Variants in METAP2 observed in about 807,000 individuals in gnomAD.
METAP2 encodes methionine aminopeptidase 2.
A neutral mutation model predicts 59.4 loss-of-function variants in METAP2; 25 were observed. That is an observed-to-expected ratio of 0.42 (90% CI 0.31 to 0.59). The LOEUF is 0.59. Among genes scored for constraint, METAP2 ranks in the 20% least tolerant of loss-of-function variants. The pLI, the probability that METAP2 is intolerant of heterozygous loss-of-function variation, is 0.16. For missense variants in METAP2, 366 were observed against 581.2 expected (o/e 0.63, Z 3.81); for synonymous variants, 214 against 194.1 (o/e 1.10, Z -0.85).
At chr12:95,504,382 T>C (rs536628049) in intron 8 of METAP2, among the ~76,000 whole-genome samples, 22 of 152,328 alleles carry the variant, frequency 1.4e-4, no homozygotes, top group African/African-American at 5.3e-4. Context: ...GGAAATATCC[T>C]AGGGCAGCCA....
intron 1 of METAP2, among the ~76,000 whole-genome samples, chr12:95,475,560 C>G (rs1437349662): frequency 6.6e-6 from 1 of 152,242 alleles, no homozygotes; most frequent in African/African-American, 2.4e-5. Context: ...GTTATAATCA[C>G]TTCCAGAGCA....
Position 95,514,390 on chromosome 12 carries a change from A to G in METAP2, c.*486A>G, listed in dbSNP as rs2076429249. 6.5e-6 allele frequency: 1 copy of G among 153,404 alleles called. No homozygotes were observed. Among genetic ancestry groups the G allele is most frequent in the African/African-American group, 2.4e-5 (1 of 41,470 alleles). The allele number at this position is 153,404 out of a possible 1,614,324, so 9.5% of individuals were successfully genotyped here. A position where few individuals can be genotyped will look rare whatever the true frequency, so the allele number is the denominator to read the frequency against. The stretch of plus-strand genomic sequence containing the variant: ...GGTTATAATTCTGGACAGGATAAAT[A>G]GCTAAACTTAATGTAGGCAAATGCA... On this transcript the variant is annotated 3_prime_UTR_variant, in exon 11 of 11. Coordinates refer to ENST00000323666, the MANE Select transcript of METAP2 (RefSeq NM_006838.4).
At chr12:95,476,619 CAATT>C (rs1016728785) in intron 2 of METAP2, among the ~76,000 whole-genome samples, 3 of 152,114 alleles carry the variant, frequency 2.0e-5, no homozygotes, top group Admixed American at 6.6e-5. Context: ...CTTGTTACCT[CAATT>C]AATGTCACAG....
intron 8 of METAP2, 90 bp downstream of exon 8, chr12:95,504,251 A>G (rs111867202): frequency 1.2e-5 from 10 of 835,000 alleles, no homozygotes; most frequent in African/African-American, 1.7e-5. Context: ...TCATGTTTCT[A>G]TCTTGGTAAT....
In METAP2 at chr12:95,483,234, T is replaced by TGGA. The variant is rs771119684; in HGVS notation, c.281_283dup (p.Gly94dup). ...TCTTAGATGGAGATGGCGATGGAGATGGAGCAACTGGAAAGAAGAAGAAAA... is the reference window on the plus strand; with the variant it reads ...TCTTAGATGGAGATGGCGATGGAGATGGAGGAGCAACTGGAAAGAAGAAGAAAA... On this transcript the variant is annotated inframe_insertion, in exon 3 of 11. Coordinates refer to ENST00000323666, the MANE Select transcript of METAP2 (RefSeq NM_006838.4). The TGGA allele has an allele frequency of 6.2e-7, 1 of 1,613,052 alleles. No homozygotes were observed. The highest frequency in any genetic ancestry group is 8.5e-7 in the Non-Finnish European group (1 of 1,179,094).
chr12:95,496,184 T>A, intron 7 of METAP2, 86 bp downstream of exon 7: 1 of 788,558 alleles, frequency 1.3e-6, no homozygotes, highest in Non-Finnish European at 2.1e-6. Flanking sequence ...TAAGCACTTT[T>A]AAGGCCTGTT....
rs543986569 is a variant in METAP2, at chr12:95,493,417, A to G, written c.429-639A>G. 5.3e-5 allele frequency among the ~76,000 whole-genome samples: 8 copies of G among 152,338 alleles called. No individual in the cohort carries two copies. In the South Asian group the frequency reaches 8.3e-4, roughly 16 times the overall value. ...GAAGAACCTAGGAGTTTGAGGATGTAGTGAGCTATGATCACATCACTGCAT... is the reference window on the plus strand; with the variant it reads ...GAAGAACCTAGGAGTTTGAGGATGTGGTGAGCTATGATCACATCACTGCAT... On this transcript the variant is annotated intron_variant, in intron 4 of 10. Coordinates refer to ENST00000323666, the MANE Select transcript of METAP2 (RefSeq NM_006838.4).
At chr12:95,475,264 G>A (rs2076109688) in intron 1 of METAP2, among the ~76,000 whole-genome samples, 1 of 152,236 alleles carries the variant, frequency 6.6e-6, no homozygotes. Flanking sequence ...GTCGAAGAGA[G>A]CTAATCTTCA....
intron 3 of METAP2, among the ~76,000 whole-genome samples, chr12:95,483,946 C>T (rs1037669647): frequency 3.3e-5 from 5 of 151,880 alleles, no homozygotes; most frequent in Admixed American, 6.6e-5. Flanking sequence ...TTATATTGTA[C>T]GATCAGATTT....
Position 95,482,071 on chromosome 12 carries a change from A to G in METAP2, c.260-1144A>G, listed in dbSNP as rs542293778. 3.7e-5 allele frequency: 15 copies of G among 409,524 alleles called. 1 individual carries two copies. The highest frequency in any genetic ancestry group is 1.9e-4 in the African/African-American group (9 of 48,448). 25.4% of individuals were successfully genotyped at this position (409,524 alleles called of 1,614,324 possible). The stretch of plus-strand genomic sequence containing the variant: ...TGCCTTTTGTTAGGCTTTTGAATCT[A>G]AAAATCCATAATGAATAAGTCAGCA... On this transcript the variant is annotated intron_variant, in intron 2 of 10. Coordinates refer to ENST00000323666, the MANE Select transcript of METAP2 (RefSeq NM_006838.4).
At chr12:95,479,641 C>T (rs562000480) in intron 2 of METAP2, among the ~76,000 whole-genome samples, 12 of 149,662 alleles carry the variant, frequency 8.0e-5, no homozygotes, top group African/African-American at 3.0e-4. Context: ...GACGGAGTCT[C>T]ACTCTTGTCC....
intron 7 of METAP2, among the ~76,000 whole-genome samples, chr12:95,498,436 A>G (rs1257799654): frequency 2.6e-5 from 4 of 152,164 alleles, no homozygotes; most frequent in Non-Finnish European, 5.9e-5. Context: ...AAATGTTGTC[A>G]TGAAGTCCAG....
intron 8 of METAP2, among the ~76,000 whole-genome samples, chr12:95,510,882 T>C (rs2076397021): frequency 6.6e-6 from 1 of 152,202 alleles, no homozygotes; most frequent in Non-Finnish European, 1.5e-5. Context: ...TGAACTATTA[T>C]ATATATGTGG....
At chr12:95,500,458 C>G (rs1446308589) in intron 7 of METAP2, among the ~76,000 whole-genome samples, 1 of 152,142 alleles carries the variant, frequency 6.6e-6, no homozygotes, top group African/African-American at 2.4e-5. Context: ...CCTTCCTTGA[C>G]TTGTTTGTGA....
chr12:95,490,696 A>G (rs970025249), intron 4 of METAP2, among the ~76,000 whole-genome samples: 1 of 150,480 alleles, frequency 6.6e-6, no homozygotes, highest in African/African-American at 2.4e-5. Context: ...TAGTAGTTAT[A>G]GTAATGTTTG....
intron 4 of METAP2, among the ~76,000 whole-genome samples, chr12:95,492,394 A>T (rs1014000865): frequency 1.1e-4 from 17 of 152,102 alleles, no homozygotes; most frequent in Non-Finnish European, 1.3e-4. Flanking sequence ...GGCAGATTTT[A>T]AAAAAATTTT....
intron 2 of METAP2, among the ~76,000 whole-genome samples, chr12:95,481,039 G>C (rs2076154846): frequency 6.6e-6 from 1 of 152,312 alleles, no homozygotes; most frequent in South Asian, 2.1e-4. Context: ...GCAAGGCAGA[G>C]CTTAAAAGCT....
intron 2 of METAP2, among the ~76,000 whole-genome samples, chr12:95,482,855 T>C (rs1311255861): frequency 1.3e-5 from 2 of 152,208 alleles, no homozygotes; most frequent in Non-Finnish European, 2.9e-5. Flanking sequence ...CATTTTCATA[T>C]GGTTCAACCC....
intron 4 of METAP2, among the ~76,000 whole-genome samples, chr12:95,493,621 A>T (rs1384108283): frequency 6.6e-6 from 1 of 152,236 alleles, no homozygotes; most frequent in Non-Finnish European, 1.5e-5. Flanking sequence ...CAGATTTCCA[A>T]GTCAGTTTCT....
Sources: allele counts gnomAD v4.1 joint callset (sites outside exome capture counted in the v4.1 genomes callset), GRCh38; gene constraint gnomAD v4.1.1; transcripts MANE v1.5; gene names NCBI Gene and HGNC (gene_info 2026-07-23, HGNC 2026-07-21).